SLIT3: variants seen among roughly 807,000 people sequenced by gnomAD.
The protein encoded by SLIT3 is slit homolog 3 protein.
In SLIT3, 68 loss-of-function variants were observed where a neutral mutation model predicts 184.0. The ratio of observed to expected loss-of-function variants is 0.37; its 90% CI spans 0.30 to 0.45. SLIT3 has a LOEUF of 0.45. SLIT3 is among the 20% of genes least tolerant of loss of function. The probability of loss-of-function intolerance (pLI) is 1.00; values close to 1 mark genes in which losing one functional copy is unlikely to be tolerated. For synonymous variants in SLIT3, 831 were observed against 828.6 expected (o/e 1.00, Z -0.05); for missense variants, 1,707 against 2,026.0 (o/e 0.84, Z 3.02).
Position 168,793,277 on chromosome 5 carries a change from C to A in SLIT3, c.1007+2230G>T, listed in dbSNP as rs543848264. ...TTTCTTTTTTGGTAAGAGACAAGAG[C>A]AGGATGTGGTTCAGTCACAGTTGAG... On this transcript the variant is annotated intron_variant, in intron 10 of 35. Transcript: ENST00000519560. 1.2e-4 allele frequency among the ~76,000 whole-genome samples: 18 copies of A among 151,932 alleles called. No homozygotes were observed. The South Asian group carries it at 3.8e-3, about 32-fold the overall frequency.
At chr5:168,690,053 G>A (rs563587496) in intron 29 of SLIT3, among the ~76,000 whole-genome samples, 23 of 152,088 alleles carry the variant, frequency 1.5e-4, no homozygotes, top group Admixed American at 1.1e-3. Context: ...TAAGTTCTGG[G>A]GATCATAAAA....
Position 168,666,703 on chromosome 5 carries a change from A to C in SLIT3, c.4337-14T>G. Reference sequence around the variant, plus strand: ...GGCACGGATTCTCTGCAGAGGGCATAGAAGTCAGGGCATTGGTGGTCTAGG... The same window carrying C: ...GGCACGGATTCTCTGCAGAGGGCATCGAAGTCAGGGCATTGGTGGTCTAGG... On this transcript the variant is annotated splice_polypyrimidine_tract_variant and intron_variant, in intron 35 of 35. Coordinates refer to ENST00000519560, the MANE Select transcript of SLIT3 (RefSeq NM_003062.4). 2.5e-6 allele frequency: 4 copies of C among 1,614,108 alleles called. No individual in the cohort carries two copies. Among genetic ancestry groups the C allele is most frequent in the Non-Finnish European group, 3.4e-6 (4 of 1,180,038 alleles).
At position 168,994,623 on chromosome 5, in the gene SLIT3, C is replaced by CT. The variant is rs66498923; in HGVS notation, c.414-111288dup. The stretch of plus-strand genomic sequence containing the variant: ...ACATGTACCAGTGTCTGGCATTCTA[C>CT]TTTTTTTTTTTTTTTTTTTTTTTTT... On this transcript the variant is annotated intron_variant, in intron 4 of 35. Transcript: ENST00000519560. Among the ~76,000 whole-genome samples, 133 of 47,094 alleles carry CT rather than the reference C, an allele frequency of 2.8e-3. 38 individuals carry two copies. The highest frequency in any genetic ancestry group is 4.6e-3 in the Admixed American group (15 of 3,296). The allele number at this position is 47,094 out of a possible 152,430, so 30.9% of individuals were successfully genotyped here.
At chr5:168,697,418 G>C (rs1416835090) in intron 27 of SLIT3, among the ~76,000 whole-genome samples, 1 of 152,208 alleles carries the variant, frequency 6.6e-6, no homozygotes, top group African/African-American at 2.4e-5. Context: ...AGGCCATGCG[G>C]AAGGGATGGG....
intron 4 of SLIT3, among the ~76,000 whole-genome samples, chr5:168,937,550 G>A (rs1272444454): frequency 2.0e-5 from 3 of 152,120 alleles, no homozygotes; most frequent in Non-Finnish European, 4.4e-5. Context: ...TAAGGGGTTG[G>A]GGTAAGGGGG....
intron 8 of SLIT3, among the ~76,000 whole-genome samples, chr5:168,811,537 A>ATG (rs1343419282): frequency 9.2e-5 from 14 of 152,222 alleles, no homozygotes; most frequent in African/African-American, 3.4e-4. Flanking sequence ...GAATCTCAAG[A>ATG]GGTAGGAAGA....
At chr5:168,719,845 G>A (rs931614425) in intron 23 of SLIT3, 1 of 152,124 alleles carries the variant, frequency 6.6e-6, no homozygotes, top group Admixed American at 6.5e-5. Context: ...GGACTGAGGT[G>A]CTCTAAGATC....
At chr5:169,280,706 ACT>A (rs932349919) in intron 1 of SLIT3, among the ~76,000 whole-genome samples, 1 of 151,804 alleles carries the variant, frequency 6.6e-6, no homozygotes, top group Non-Finnish European at 1.5e-5. Flanking sequence ...ATGCAGGGAG[ACT>A]CTACCAGTGG....
intron 4 of SLIT3, among the ~76,000 whole-genome samples, chr5:168,990,742 G>A (rs896120042): frequency 3.3e-5 from 5 of 152,174 alleles, no homozygotes; most frequent in East Asian, 1.9e-4. Flanking sequence ...GGCAGGTCCT[G>A]TCCCTCTTGG....
chr5:169,263,360 G>A (rs535661375), intron 1 of SLIT3, among the ~76,000 whole-genome samples: 8 of 151,976 alleles, frequency 5.3e-5, no homozygotes, highest in African/African-American at 9.6e-5. Context: ...AAAAGACGAC[G>A]AGACAGACAT....
chr5:169,003,869 A>AG (rs140898613), intron 4 of SLIT3, among the ~76,000 whole-genome samples: 2,032 of 152,164 alleles, frequency 0.013, 104 homozygotes, highest in East Asian at 0.096. Flanking sequence ...GTGGCTCTGG[A>AG]GGGGGCAGCG....
intron 9 of SLIT3, among the ~76,000 whole-genome samples, chr5:168,796,756 T>C (rs1447191574): frequency 1.3e-5 from 2 of 152,256 alleles, no homozygotes; most frequent in East Asian, 3.9e-4. Context: ...GCCTCTGTGA[T>C]CTCATCTTCA....
chr5:168,901,619 C>T (rs1271533226), intron 4 of SLIT3, among the ~76,000 whole-genome samples: 3 of 152,104 alleles, frequency 2.0e-5, no homozygotes, highest in African/African-American at 4.8e-5. Context: ...GCTAAAAGAT[C>T]CAACCATCTT....
chr5:169,213,317 CAAAT>C (rs1465413121), intron 3 of SLIT3, among the ~76,000 whole-genome samples: 1 of 151,996 alleles, frequency 6.6e-6, no homozygotes, highest in African/African-American at 2.4e-5. Flanking sequence ...TAAGAGGACA[CAAAT>C]AAAAGAAAAA....
chr5:168,666,344 C>T lies in SLIT3; in HGVS notation c.*110G>A. On this transcript the variant is annotated 3_prime_UTR_variant, in exon 36 of 36. Coordinates refer to ENST00000519560, the MANE Select transcript of SLIT3 (RefSeq NM_003062.4). ...TACTTAATATTCTCTTCTTCTTTACCTTCCTCTCCAGCTTCATTTCCTTCA... is the reference window on the plus strand; with the variant it reads ...TACTTAATATTCTCTTCTTCTTTACTTTCCTCTCCAGCTTCATTTCCTTCA... 5.7e-5 allele frequency: 59 copies of T among 1,026,688 alleles called. No individual in the cohort carries two copies. The highest frequency in any genetic ancestry group is 3.3e-4 in the South Asian group (14 of 42,290). The allele number at this position is 1,026,688 out of a possible 1,614,324, so 63.6% of individuals were successfully genotyped here.
chr5:169,274,893 A>T (rs574186537), intron 1 of SLIT3, among the ~76,000 whole-genome samples: 76 of 152,320 alleles, frequency 5.0e-4, no homozygotes, highest in African/African-American at 1.8e-3. Flanking sequence ...TGGAAATTTG[A>T]TGTAATAAAT....
chr5:168,823,662 T>C (rs1408397756), intron 6 of SLIT3, among the ~76,000 whole-genome samples: 2 of 152,208 alleles, frequency 1.3e-5, no homozygotes, highest in African/African-American at 4.8e-5. Context: ...ACAATGCCAG[T>C]TACCTATTCC....
chr5:169,070,101 T>C (rs966002370), intron 4 of SLIT3, among the ~76,000 whole-genome samples: 1 of 151,844 alleles, frequency 6.6e-6, no homozygotes, highest in African/African-American at 2.4e-5. Context: ...AGATTTTGGG[T>C]AAAAGGGAAG....
chr5:169,019,025 A>G (rs978179705), intron 4 of SLIT3, among the ~76,000 whole-genome samples: 1 of 151,776 alleles, frequency 6.6e-6, no homozygotes, highest in African/African-American at 2.4e-5. Flanking sequence ...TGCCTCCCCC[A>G]CTCTGGGTTG....
Sources: allele counts gnomAD v4.1 joint callset (sites outside exome capture counted in the v4.1 genomes callset), GRCh38; gene constraint gnomAD v4.1.1; transcripts MANE v1.5; gene names NCBI Gene and HGNC (gene_info 2026-07-23, HGNC 2026-07-21).